Variants in SLC7A14 observed in about 807,000 individuals in gnomAD.
The protein encoded by SLC7A14 is gamma-aminobutyric acid transporter SLC7A14.
In SLC7A14, 37 loss-of-function variants were observed where a neutral mutation model predicts 60.2. The ratio of observed to expected loss-of-function variants is 0.61; its 90% CI spans 0.47 to 0.81. SLC7A14 has a LOEUF of 0.81. Among genes scored for constraint, SLC7A14 ranks in the 30% least tolerant of loss-of-function variants. The pLI is 0.00. For missense variants in SLC7A14, 886 were observed against 982.7 expected (o/e 0.90, Z 1.32); for synonymous variants, 399 against 395.8 (o/e 1.01, Z -0.10).
intron 7 of SLC7A14, among the ~76,000 whole-genome samples, chr3:170,475,374 AT>A (rs769458250): frequency 2.6e-5 from 4 of 152,228 alleles, no homozygotes; most frequent in Non-Finnish European, 5.9e-5. Context: ...CCATTTAAAA[AT>A]ATCTCTACTG....
chr3:170,542,553 A>C (rs1714052083), intron 1 of SLC7A14, among the ~76,000 whole-genome samples: 1 of 152,204 alleles, frequency 6.6e-6, no homozygotes, highest in Non-Finnish European at 1.5e-5. Context: ...CCATTTTGCT[A>C]AATCCAATGA....
chr3:170,515,329 A>AAAT (rs1553869900), intron 2 of SLC7A14, among the ~76,000 whole-genome samples: 1 of 144,024 alleles, frequency 6.9e-6, no homozygotes, highest in Non-Finnish European at 1.5e-5. Context: ...CCAAAAAAAA[A>AAAT]ATATATATAT....
At chr3:170,501,979 C>T in intron 2 of SLC7A14, among the ~76,000 whole-genome samples, 1 of 152,166 alleles carries the variant, frequency 6.6e-6, no homozygotes, top group East Asian at 1.9e-4. Context: ...TGCCCCTGCC[C>T]TTAAGGGGAG....
chr3:170,482,387 G>A (rs1711860226), intron 6 of SLC7A14, among the ~76,000 whole-genome samples: 2 of 152,320 alleles, frequency 1.3e-5, no homozygotes, highest in South Asian at 2.1e-4. Flanking sequence ...TCTGGTGATG[G>A]CTTCAGAGAG....
At chr3:170,550,447 G>A (rs577314706) in intron 1 of SLC7A14, among the ~76,000 whole-genome samples, 1 of 142,478 alleles carries the variant, frequency 7.0e-6, no homozygotes, top group East Asian at 2.4e-4. Context: ...TGGTGAAGTG[G>A]TTTTTTGAAA....
chr3:170,478,869 A>G (rs1161561212), intron 7 of SLC7A14, among the ~76,000 whole-genome samples: 1 of 152,114 alleles, frequency 6.6e-6, no homozygotes, highest in Non-Finnish European at 1.5e-5. Context: ...CATGCCTGTA[A>G]TCCCAGCACT....
rs78512850 is a variant in SLC7A14 at position 170,492,039 on chromosome 3, C to T, written c.760-5671G>A. ...TTTCTTCCTTGCAAGCAAATGGTCC[C>T]TGGTTGGTAAATACAAAGACCCATG... is the stretch of plus-strand genomic sequence containing the variant. On this transcript the variant is annotated intron_variant, in intron 4 of 7. Coordinates refer to ENST00000231706, the MANE Select transcript of SLC7A14 (RefSeq NM_020949.3). Among the ~76,000 whole-genome samples, 649 of 152,276 alleles carry T rather than the reference C, an allele frequency of 4.3e-3. 7 individuals are homozygous for T. The highest frequency in any genetic ancestry group is 3.4e-3 in the Middle Eastern group (1 of 294).
chr3:170,470,630 C>T (rs1739871509), intron 7 of SLC7A14, among the ~76,000 whole-genome samples: 1 of 151,818 alleles, frequency 6.6e-6, no homozygotes, highest in Non-Finnish European at 1.5e-5. Flanking sequence ...TTCTTGCTGG[C>T]CCTTGAGTCA....
chr3:170,523,090 T>A (rs1713384098), intron 2 of SLC7A14, among the ~76,000 whole-genome samples: 1 of 152,212 alleles, frequency 6.6e-6, no homozygotes, highest in African/African-American at 2.4e-5. Flanking sequence ...AACCACTTAT[T>A]TAGTGCTATG....
In SLC7A14 at chr3:170,533,059, AC is replaced by A. The variant is rs570984270; in HGVS notation, c.-152-5972del. Among the ~76,000 whole-genome samples, 393 of 152,166 alleles carry A rather than the reference AC, an allele frequency of 2.6e-3. 4 individuals carry two copies. The highest frequency in any genetic ancestry group is 0.01 in the Middle Eastern group (3 of 294). On this transcript the variant is annotated intron_variant, in intron 1 of 7. Transcript: ENST00000231706. ...CATGGTAGGTTCACCTTCAGTTGCC[AC>A]CCCATCCCTGAAAACATGATCCCCT... is the stretch of plus-strand genomic sequence containing the variant.
chr3:170,505,729 T>C (rs539185484), intron 2 of SLC7A14, among the ~76,000 whole-genome samples: 2 of 151,934 alleles, frequency 1.3e-5, no homozygotes, highest in Non-Finnish European at 2.9e-5. Context: ...CTACTAAAAA[T>C]ACAAAAAAAT....
intron 2 of SLC7A14, among the ~76,000 whole-genome samples, chr3:170,511,473 C>T (rs1056726791): frequency 1.8e-4 from 27 of 151,884 alleles, no homozygotes; most frequent in African/African-American, 6.5e-4. Context: ...ATTCATTGAC[C>T]CTGTTTCCCT....
At chr3:170,473,314 T>A (rs912919426) in intron 7 of SLC7A14, among the ~76,000 whole-genome samples, 50 of 152,200 alleles carry the variant, frequency 3.3e-4, no homozygotes, top group African/African-American at 1.1e-3. Context: ...CTGAAGAGAC[T>A]GAGTAATGCA....
intron 7 of SLC7A14, among the ~76,000 whole-genome samples, chr3:170,475,973 A>G (rs967729189): frequency 2.0e-5 from 3 of 152,086 alleles, no homozygotes; most frequent in Non-Finnish European, 4.4e-5. Flanking sequence ...TTGGCCTCCC[A>G]AAGTGCTGGG....
chr3:170,522,398 A>T (rs1190840139), intron 2 of SLC7A14, among the ~76,000 whole-genome samples: 1 of 152,258 alleles, frequency 6.6e-6, no homozygotes, highest in Non-Finnish European at 1.5e-5. Context: ...GTTGTCCTCC[A>T]ACTGGTAAAA....
At chr3:170,576,887 A>G (rs1251794581) in intron 1 of SLC7A14, among the ~76,000 whole-genome samples, 1 of 152,218 alleles carries the variant, frequency 6.6e-6, no homozygotes, top group East Asian at 1.9e-4. Context: ...ACATTGCCTC[A>G]GGTTGAGGAC....
At chr3:170,508,379 G>C (rs1173645631) in intron 2 of SLC7A14, among the ~76,000 whole-genome samples, 1 of 152,216 alleles carries the variant, frequency 6.6e-6, no homozygotes, top group Non-Finnish European at 1.5e-5. Flanking sequence ...CAGAGGTTCG[G>C]TCAGGCTGCC....
chr3:170,552,766 C>T (rs1041457654), intron 1 of SLC7A14, among the ~76,000 whole-genome samples: 1 of 152,220 alleles, frequency 6.6e-6, no homozygotes, highest in African/African-American at 2.4e-5. Flanking sequence ...CCTTTTCTAG[C>T]CCATGTCCCA....
Position 170,467,205 on chromosome 3 carries a change from C to A in SLC7A14, c.2166G>T (p.Gly722=). 1 of 1,614,248 alleles carries A rather than the reference C, an allele frequency of 6.2e-7. No individual in the cohort carries two copies. The highest frequency in any genetic ancestry group is 8.5e-7 in the Non-Finnish European group (1 of 1,180,048). Residue 722 remains glycine, a synonymous_variant, in exon 8 of 8, where the codon GGG becomes GGT. Coordinates refer to ENST00000231706, the MANE Select transcript of SLC7A14 (RefSeq NM_020949.3). ...AATAGAAGCCTTTGTCTTCAGTGGG[C>A]CCGCCCCAGTCCTCCTGGCTCTCGC... ...TEGESQEDWG[G]PTEDKGFYYQ... is the part of the protein sequence containing the mutation.
Sources: allele counts gnomAD v4.1 joint callset (sites outside exome capture counted in the v4.1 genomes callset), GRCh38; gene constraint gnomAD v4.1.1; transcripts MANE v1.5; gene names NCBI Gene and HGNC (gene_info 2026-07-23, HGNC 2026-07-21).